The following ACKR3 variants were observed in gnomAD, a reference collection of about 807,000 sequenced individuals.
ACKR3 encodes the protein atypical chemokine receptor 3, also known as C-X-C chemokine receptor type 7.
ACKR3 carries 6 observed loss-of-function variants against 22.4 expected under a neutral mutation model. The observed-to-expected ratio is 0.27, with a 90% CI of 0.15 to 0.53. The LOEUF (loss-of-function observed/expected upper bound fraction) is 0.53. ACKR3 is among the 20% of genes least tolerant of loss of function. The pLI is 0.96. For missense variants in ACKR3, 396 were observed against 475.2 expected (o/e 0.83, Z 1.55); for synonymous variants, 209 against 205.2 (o/e 1.02, Z -0.16).
At chr2:236,560,336 G>C in the ACKR3 span, among the ~76,000 whole-genome samples, 1 of 40,608 alleles carries the variant, frequency 2.5e-5, no homozygotes, top group Non-Finnish European at 5.2e-5. Context: ...TTTTTTTTTT[G>C]TAAAGGCCAT....
At chr2:236,544,059 G>C in the ACKR3 span, among the ~76,000 whole-genome samples, 2 of 141,928 alleles carry the variant, frequency 1.4e-5, no homozygotes, top group Admixed American at 1.5e-4. This position sits in a 1 kb window ranked among gnomAD's most constrained non-coding sequence, Gnocchi z 5.0. Context: ...ATGTGATCTC[G>C]GCTCACTGCA....
In ACKR3 at chr2:236,580,732, C is replaced by G. The variant is rs147420191; in HGVS notation, c.267C>G (p.Ala89=). 1 of 1,614,156 alleles carries G rather than the reference C, an allele frequency of 6.2e-7. No homozygotes were observed. The highest frequency in any genetic ancestry group is 8.5e-7 in the Non-Finnish European group (1 of 1,180,034). ...GCTACATCTTGAACCTGGCCATTGC[C>G]GACCTGTGGGTTGTCCTCACCATCC... ...THCYILNLAI[A]DLWVVLTIPV... Residue 89 remains alanine, a synonymous_variant, in exon 2 of 2, where the codon GCC becomes GCG. Transcript: ENST00000272928.
the ACKR3 span, among the ~76,000 whole-genome samples, chr2:236,544,368 T>C: frequency 6.6e-6 from 1 of 152,092 alleles, no homozygotes; most frequent in Non-Finnish European, 1.5e-5. The surrounding 1 kb of genome is among the most constrained non-coding windows in gnomAD (Gnocchi z 5.0). Flanking sequence ...GGGGAAGGCA[T>C]TCAGTTGGGT....
the ACKR3 span, among the ~76,000 whole-genome samples, chr2:236,556,297 G>A: frequency 6.6e-6 from 1 of 152,188 alleles, no homozygotes; most frequent in East Asian, 1.9e-4. Context: ...CAGTTACTGT[G>A]GGAGGCTGGG....
Position 236,582,065 on chromosome 2 carries a change from TATATATATAA to T in ACKR3, c.*529_*538del, listed in dbSNP as rs540554440. On this transcript the variant is annotated 3_prime_UTR_variant, in exon 2 of 2. Transcript: ENST00000272928. ...CTAATTGTTAGCTGTTTTGAAATTATATATATATAAATATATATAAATATATAAATATATG... is the reference window on the plus strand; with the variant it reads ...CTAATTGTTAGCTGTTTTGAAATTATATATATATAAATATATAAATATATG... 1,719 of 163,514 alleles carry T rather than the reference TATATATATAA, an allele frequency of 0.011. 13 individuals carry two copies. Among genetic ancestry groups the T allele is most frequent in the Non-Finnish European group, 0.019 (1,287 of 67,408 alleles). 10.1% of individuals were successfully genotyped at this position (163,514 alleles called of 1,614,324 possible). A position where few individuals can be genotyped will look rare whatever the true frequency, so the allele number is the denominator to read the frequency against.
At chr2:236,575,772 C>A (rs1220416896) in intron 1 of ACKR3, among the ~76,000 whole-genome samples, 6 of 152,154 alleles carry the variant, frequency 3.9e-5, no homozygotes, top group African/African-American at 1.4e-4. Context: ...CCTCTCACAG[C>A]TGTATTATAT....
the ACKR3 span, among the ~76,000 whole-genome samples, chr2:236,553,190 C>T: frequency 2.2e-5 from 3 of 135,446 alleles, no homozygotes; most frequent in African/African-American, 3.7e-5. Flanking sequence ...GGTGATATCC[C>T]TCTCCTCCTC....
Position 236,580,707 on chromosome 2 carries a change from G to C in ACKR3, c.242G>C (p.Cys81Ser), listed in dbSNP as rs1184067169. 3 of 1,614,036 alleles carry C rather than the reference G, an allele frequency of 1.9e-6. No homozygotes were observed. The highest frequency in any genetic ancestry group is 2.7e-5 in the African/African-American group (2 of 74,912). Residue 81 changes from cysteine to serine, a missense_variant, in exon 2 of 2, where the codon TGC becomes TCC. Transcript: ENST00000272928. ...QAKTTGYDTH[C>S]YILNLAIADL... The stretch of plus-strand genomic sequence containing the variant: ...AAGACCACAGGCTATGACACGCACT[G>C]CTACATCTTGAACCTGGCCATTGCC...
chr2:236,570,834 TTCTC>T (rs899466919), intron 1 of ACKR3, among the ~76,000 whole-genome samples: 3 of 144,740 alleles, frequency 2.1e-5, no homozygotes, highest in African/African-American at 8.3e-5. Flanking sequence ...CTGTCTCTCT[TTCTC>T]TCTTCCTCTT....
the ACKR3 span, among the ~76,000 whole-genome samples, chr2:236,550,556 G>A: frequency 6.6e-6 from 1 of 152,156 alleles, no homozygotes; most frequent in African/African-American, 2.4e-5. The surrounding 1 kb of genome is among the most constrained non-coding windows in gnomAD (Gnocchi z 4.6). Flanking sequence ...GGCTAGGGGT[G>A]AGCAGGCCTG....
chr2:236,576,340 A>T (rs1378226819), intron 1 of ACKR3, among the ~76,000 whole-genome samples: 3 of 152,210 alleles, frequency 2.0e-5, no homozygotes, highest in Admixed American at 6.5e-5. Context: ...TGCGGAATGC[A>T]GTCAGCTCTT....
intron 1 of ACKR3, among the ~76,000 whole-genome samples, chr2:236,576,645 T>C (rs1463562780): frequency 1.3e-5 from 2 of 152,216 alleles, no homozygotes; most frequent in Non-Finnish European, 2.9e-5. Flanking sequence ...CAGTGAATGG[T>C]GGTCAATGAA....
rs1010416461 is a variant in ACKR3 at position 236,574,824 on chromosome 2, A to G, written c.-27+4900A>G. 2.0e-5 allele frequency among the ~76,000 whole-genome samples: 3 copies of G among 152,172 alleles called. No homozygotes were observed. Among genetic ancestry groups the G allele is most frequent in the Non-Finnish European group, 4.4e-5 (3 of 68,034 alleles). ...AAAACATCCCAGAAACGAGAGGTGC[A>G]TCTCCGAGAAAGTCCTGCAATTGAC... On this transcript the variant is annotated intron_variant, in intron 1 of 1. Coordinates refer to ENST00000272928, the MANE Select transcript of ACKR3 (RefSeq NM_020311.3). This position sits in a 1 kb window ranked among gnomAD's most constrained non-coding sequence, Gnocchi z 5.6.
At chr2:236,545,932 G>A in the ACKR3 span, among the ~76,000 whole-genome samples, 2 of 152,304 alleles carry the variant, frequency 1.3e-5, no homozygotes, top group Admixed American at 1.3e-4. The surrounding 1 kb of genome is among the most constrained non-coding windows in gnomAD (Gnocchi z 5.3). Context: ...TAAAGTCTGC[G>A]AGAAAGGAAA....
upstream of ACKR3, among the ~76,000 whole-genome samples, chr2:236,564,082 G>A (rs1227505818): frequency 1.3e-5 from 2 of 152,172 alleles, no homozygotes; most frequent in Non-Finnish European, 2.9e-5. Flanking sequence ...ATGCCCCTGC[G>A]ACAGGGGCCA....
Position 236,577,991 on chromosome 2 carries a change from GT to G in ACKR3, c.-26-2445del, listed in dbSNP as rs2106506919. The stretch of plus-strand genomic sequence containing the variant: ...GTCAGATGAGATCATGGGGGAAAGT[GT>G]TTTGGAAACCAAGCCATGATGCAAA... On this transcript the variant is annotated intron_variant, in intron 1 of 1. Transcript: ENST00000272928. The surrounding 1 kb of genome is among the most constrained non-coding windows in gnomAD (Gnocchi z 5.6). 6.6e-6 allele frequency among the ~76,000 whole-genome samples: 1 copy of G among 152,330 alleles called. No homozygotes were observed. Among genetic ancestry groups the G allele is most frequent in the East Asian group, 1.9e-4 (1 of 5,174 alleles).
At chr2:236,575,788 A>G (rs1691402371) in intron 1 of ACKR3, among the ~76,000 whole-genome samples, 1 of 152,182 alleles carries the variant, frequency 6.6e-6, no homozygotes, top group Non-Finnish European at 1.5e-5. Context: ...TATATTCCAG[A>G]TGGCGGAGAC....
At chr2:236,573,270 C>G (rs1691345446) in intron 1 of ACKR3, among the ~76,000 whole-genome samples, 1 of 152,216 alleles carries the variant, frequency 6.6e-6, no homozygotes. Flanking sequence ...CCTGATCTAA[C>G]TTGCAGGCTC....
Position 236,574,360 on chromosome 2 carries a change from G to A in ACKR3, c.-27+4436G>A, listed in dbSNP as rs1691366107. On this transcript the variant is annotated intron_variant, in intron 1 of 1. Coordinates refer to ENST00000272928, the MANE Select transcript of ACKR3 (RefSeq NM_020311.3). This position sits in a 1 kb window ranked among gnomAD's most constrained non-coding sequence, Gnocchi z 5.6. ...ATAGCTGTAGCTACACAAAGTTACA[G>A]AAGACTTGGTGGGGGGTGCGGGGCC... Among the ~76,000 whole-genome samples the A allele has an allele frequency of 6.6e-6, 1 of 152,124 alleles. No individual in the cohort carries two copies.
Sources: gnomAD v4.1 joint callset for allele counts (sites outside exome capture counted in the v4.1 genomes callset) on GRCh38, gnomAD v4.1.1 for gene constraint, Gnocchi (gnomAD v3.1) non-coding constraint, MANE v1.5 for transcripts, NCBI Gene and HGNC (gene_info 2026-07-23, HGNC 2026-07-21) for gene names.